LYN: variants seen among roughly 807,000 people sequenced by gnomAD.
LYN encodes LYN proto-oncogene, Src family tyrosine kinase.
A neutral mutation model predicts 65.0 loss-of-function variants in LYN; 12 were observed. The observed-to-expected ratio is 0.18, with a 90% confidence interval of 0.12 to 0.30. The LOEUF (loss-of-function observed/expected upper bound fraction) is 0.30, where lower values mean the gene tolerates loss of function less well. Among genes scored for constraint, LYN ranks in the 10% least tolerant of loss-of-function variants. The pLI, the probability that LYN is intolerant of heterozygous loss-of-function variation, is 1.00. For missense variants in LYN, 380 were observed against 623.2 expected (o/e 0.61, Z 4.16); for synonymous variants, 222 against 221.2 (o/e 1.00, Z -0.03).
chr8:55,954,484 G>C (rs1807044900), intron 8 of LYN, among the ~76,000 whole-genome samples: 1 of 152,218 alleles, frequency 6.6e-6, no homozygotes, highest in African/African-American at 2.4e-5. Flanking sequence ...AAGAAGTGCA[G>C]CAAGATTATA....
chr8:55,915,863 CA>C (rs1256826619), intron 1 of LYN, among the ~76,000 whole-genome samples: 2 of 151,848 alleles, frequency 1.3e-5, no homozygotes, highest in Non-Finnish European at 2.9e-5. Flanking sequence ...TAAGAGAGAA[CA>C]AAGATGATGA....
chr8:56,003,396 A>G lies in LYN; in HGVS notation c.1336+3847A>G, dbSNP rs1471820983. Among the ~76,000 whole-genome samples, 7 of 152,080 alleles carry G rather than the reference A, an allele frequency of 4.6e-5. No homozygotes were observed. The South Asian group carries it at 1.2e-3, about 27-fold the overall frequency. ...GTTTTTAAAGTACTTTAGAAGCTAT[A>G]CAGGCCAGGTGTGGTGGCTCATGCC... On this transcript the variant is annotated intron_variant, in intron 12 of 12. Coordinates refer to ENST00000519728, the MANE Select transcript of LYN (RefSeq NM_002350.4).
At chr8:55,909,510 C>T (rs983400657) in intron 1 of LYN, among the ~76,000 whole-genome samples, 4 of 152,184 alleles carry the variant, frequency 2.6e-5, no homozygotes, top group Non-Finnish European at 5.9e-5. Flanking sequence ...CGCTGATGGA[C>T]ATTTAGGTTG....
intron 10 of LYN, chr8:55,980,591 A>T (rs1422262083): frequency 1.3e-5 from 2 of 152,244 alleles, no homozygotes; most frequent in Non-Finnish European, 2.9e-5. Flanking sequence ...AATTCAAGGT[A>T]TACAGTCAAA....
chr8:55,998,305 C>T lies in LYN; in HGVS notation c.1051-41C>T, dbSNP rs538764112. 195 of 1,561,810 alleles carry T rather than the reference C, an allele frequency of 1.2e-4. 3 individuals carry two copies. The South Asian group carries it at 2.0e-3, about 16-fold the overall frequency. ...TTCCTTGATGGCACTTTCCAGTCAC[C>T]TACCCTACATATGAAAATGGGAGCC... On this transcript the variant is annotated intron_variant, in intron 10 of 12. Transcript: ENST00000519728.
intron 10 of LYN, among the ~76,000 whole-genome samples, chr8:55,994,624 C>T (rs910595873): frequency 1.3e-4 from 20 of 152,176 alleles, no homozygotes; most frequent in African/African-American, 4.3e-4. Flanking sequence ...GGCCGATCAA[C>T]AGCGTTGGGA....
intron 7 of LYN, 114 bp from the exon 8 acceptor site, chr8:55,953,718 C>A: frequency 1.2e-6 from 1 of 834,966 alleles, no homozygotes; most frequent in Non-Finnish European, 1.8e-6. Context: ...CATTTTAGTT[C>A]ACAGACTGCG....
At chr8:55,892,910 C>T (rs1410671371) in intron 1 of LYN, among the ~76,000 whole-genome samples, 1 of 152,138 alleles carries the variant, frequency 6.6e-6, no homozygotes. Flanking sequence ...GATCAAAAAG[C>T]AGAATGATGT....
chr8:55,910,462 T>C (rs1805567655), intron 1 of LYN, among the ~76,000 whole-genome samples: 1 of 152,208 alleles, frequency 6.6e-6, no homozygotes, highest in African/African-American at 2.4e-5. Context: ...GCCGTAGATT[T>C]ATAGCTTTAT....
chr8:55,936,437 C>T (rs556390631), intron 1 of LYN, among the ~76,000 whole-genome samples: 10 of 152,098 alleles, frequency 6.6e-5, no homozygotes, highest in African/African-American at 2.2e-4. Context: ...GTCAGGAGTT[C>T]GAGACCAGCC....
At chr8:56,003,773 G>A (rs73590372) in intron 12 of LYN, among the ~76,000 whole-genome samples, 23,329 of 151,534 alleles carry the variant, frequency 0.15, 2,127 homozygotes, top group East Asian at 0.41. Flanking sequence ...TCACATATAA[G>A]GCAAACTCAT....
chr8:55,908,535 G>T (rs1173495098), intron 1 of LYN, among the ~76,000 whole-genome samples: 1 of 152,006 alleles, frequency 6.6e-6, no homozygotes, highest in Admixed American at 6.6e-5. Context: ...CTGAGCCACC[G>T]TGCCAAGGCT....
chr8:55,931,253 A>G (rs1806262625), intron 1 of LYN, among the ~76,000 whole-genome samples: 1 of 149,598 alleles, frequency 6.7e-6, no homozygotes, highest in African/African-American at 2.4e-5. Flanking sequence ...TTGTACATAA[A>G]TATGTATATT....
rs369098433 is a variant in LYN, at chr8:55,903,563, A to C, written c.-6+23460A>C. 1.2e-4 allele frequency among the ~76,000 whole-genome samples: 19 copies of C among 152,346 alleles called. No individual in the cohort carries two copies. In the East Asian group the frequency reaches 3.5e-3, roughly 28 times the overall value. Reference sequence around the variant, plus strand: ...TTTTCTAAGTTTTCCCTTTAAGATCAGGGATAAATCATTTCCTGGAAGGAT... The same window carrying C: ...TTTTCTAAGTTTTCCCTTTAAGATCCGGGATAAATCATTTCCTGGAAGGAT... On this transcript the variant is annotated intron_variant, in intron 1 of 12. Coordinates refer to ENST00000519728, the MANE Select transcript of LYN (RefSeq NM_002350.4).
chr8:55,942,044 A>G, intron 2 of LYN, 53 bp downstream of exon 2: 1 of 1,591,638 alleles, frequency 6.3e-7, no homozygotes, highest in Non-Finnish European at 8.6e-7. Flanking sequence ...AAGCATGGCT[A>G]CATAATTTAA....
At chr8:55,951,192 G>A (rs1370154039) in intron 6 of LYN, among the ~76,000 whole-genome samples, 2 of 151,920 alleles carry the variant, frequency 1.3e-5, no homozygotes, top group Admixed American at 6.6e-5. Context: ...GCAGTGAGCC[G>A]TGATCACGCC....
At position 55,946,456 on chromosome 8, in the gene LYN, A is replaced by C. The variant is rs145665634; in HGVS notation, c.141A>C (p.Glu47Asp). The C allele has an allele frequency of 1.7e-5, 28 of 1,608,938 alleles. No homozygotes were observed. The highest frequency in any genetic ancestry group is 3.3e-5 in the Admixed American group (2 of 59,776). Residue 47 changes from glutamate to aspartate, a missense_variant, in exon 3 of 13, where the codon GAA (glutamate) becomes GAC (aspartate). Transcript: ENST00000519728. Reference protein sequence around the residue: ...TSNKQQRPVPESQLLPGQRFQ... With the variant: ...TSNKQQRPVPDSQLLPGQRFQ... ...CAAATATTCTCTCGTAGGTTCCAGA[A>C]TCTCAGCTTTTACCTGGACAGAGGT...
chr8:55,961,423 A>G lies in LYN; in HGVS notation c.791-5292A>G, dbSNP rs189754431. Among the ~76,000 whole-genome samples the G allele has an allele frequency of 1.9e-3, 282 of 152,308 alleles. 3 individuals carry two copies. Among genetic ancestry groups the G allele is most frequent in the African/African-American group, 5.9e-3 (246 of 41,578 alleles). Reference sequence around the variant, plus strand: ...TATGATTTGATCCTTAGCACTGAATAAAAATCATGCCTTTAACAGAGGGAT... The same window carrying G: ...TATGATTTGATCCTTAGCACTGAATGAAAATCATGCCTTTAACAGAGGGAT... On this transcript the variant is annotated intron_variant, in intron 8 of 12. Coordinates refer to ENST00000519728, the MANE Select transcript of LYN (RefSeq NM_002350.4).
chr8:56,013,270 CT>C lies in LYN; in HGVS notation c.*3176del, dbSNP rs546599670. On this transcript the variant is annotated 3_prime_UTR_variant, in exon 13 of 13. Coordinates refer to ENST00000519728, the MANE Select transcript of LYN (RefSeq NM_002350.4). ...TGTGGAGTCTGCTTTCTCGCTCTCT[CT>C]TTTTTTTTTTTTTTTGACAGAGTCT... The C allele has an allele frequency of 0.047, 4,944 of 104,716 alleles. 232 individuals are homozygous for C. Among genetic ancestry groups the C allele is most frequent in the African/African-American group, 0.12 (4,270 of 35,212 alleles). 6.5% of individuals were successfully genotyped at this position (104,716 alleles called of 1,614,324 possible).
Sources: allele counts gnomAD v4.1 joint callset (sites outside exome capture counted in the v4.1 genomes callset), GRCh38; gene constraint gnomAD v4.1.1; transcripts MANE v1.5; gene names NCBI Gene and HGNC (gene_info 2026-07-23, HGNC 2026-07-21).